The following STIM1 variants were observed in gnomAD, a reference collection of about 807,000 sequenced individuals.
STIM1 encodes the protein stromal interaction molecule 1.
A neutral mutation model predicts 74.7 loss-of-function variants in STIM1; 25 were observed. The observed-to-expected ratio is 0.33, with a 90% confidence interval of 0.24 to 0.47. The LOEUF is 0.47. Among genes scored for constraint, STIM1 ranks in the 20% least tolerant of loss-of-function variants. The pLI, the probability that STIM1 is intolerant of heterozygous loss-of-function variation, is 1.00. For missense variants in STIM1, 728 were observed against 920.8 expected (o/e 0.79, Z 2.71); for synonymous variants, 328 against 348.8 (o/e 0.94, Z 0.66).
At chr11:4,041,017 A>C (rs985538001) in intron 3 of STIM1, among the ~76,000 whole-genome samples, 25 of 152,356 alleles carry the variant, frequency 1.6e-4, no homozygotes, top group African/African-American at 5.5e-4. Context: ...TGGGAACCAG[A>C]AGGAAGCTAC....
At chr11:4,035,586 CACAAGTTATTTAGAA>C (rs1458798644) in intron 3 of STIM1, among the ~76,000 whole-genome samples, 3 of 151,252 alleles carry the variant, frequency 2.0e-5, no homozygotes, top group Admixed American at 2.0e-4. Flanking sequence ...ATCTTTAGTT[CACAAGTTATTTAGAA>C]GCAAGTTATT....
intron 1 of STIM1, among the ~76,000 whole-genome samples, chr11:3,951,977 A>T (rs560958444): frequency 4.6e-5 from 7 of 151,790 alleles, no homozygotes; most frequent in African/African-American, 1.7e-4. Flanking sequence ...GGTATGTGGG[A>T]CTCCAAACCT....
chr11:3,996,139 T>A (rs1224818503), intron 2 of STIM1, among the ~76,000 whole-genome samples: 2 of 152,198 alleles, frequency 1.3e-5, no homozygotes, highest in Non-Finnish European at 2.9e-5. Context: ...GGGAAGAGAT[T>A]CAGATCTCTT....
chr11:4,059,171 G>T, intron 4 of STIM1, 110 bp from the exon 5 acceptor site: 1 of 958,514 alleles, frequency 1.0e-6, no homozygotes. Context: ...AGTGCAGAGG[G>T]GAGCAATCAC....
chr11:4,051,627 A>G (rs1277548048), intron 3 of STIM1, among the ~76,000 whole-genome samples: 1 of 151,916 alleles, frequency 6.6e-6, no homozygotes, highest in Admixed American at 6.6e-5. Flanking sequence ...ACAGTCATGA[A>G]CCACTGCCTG....
chr11:3,888,704 C>A (rs1215768234), intron 1 of STIM1, among the ~76,000 whole-genome samples: 1 of 152,052 alleles, frequency 6.6e-6, no homozygotes, highest in African/African-American at 2.4e-5. Context: ...GTGTGCACCA[C>A]CATACCCAGC....
At chr11:4,072,420 ATAATTAT>A (rs2094409723) in intron 6 of STIM1, among the ~76,000 whole-genome samples, 1 of 152,216 alleles carries the variant, frequency 6.6e-6, no homozygotes, top group Non-Finnish European at 1.5e-5. Flanking sequence ...GAGTTTCAAG[ATAATTAT>A]TTGAGGCAGG....
chr11:3,944,496 TA>T (rs1418445204), intron 1 of STIM1, among the ~76,000 whole-genome samples: 1 of 152,162 alleles, frequency 6.6e-6, no homozygotes, highest in East Asian at 1.9e-4. Flanking sequence ...GGAGTGATGG[TA>T]AGTTGAAAAG....
chr11:3,946,582 A>G (rs2093076804), intron 1 of STIM1, among the ~76,000 whole-genome samples: 1 of 152,164 alleles, frequency 6.6e-6, no homozygotes, highest in Non-Finnish European at 1.5e-5. Context: ...AATAACCAGA[A>G]TATTTTTCTG....
At chr11:3,953,356 A>G (rs2093171464) in intron 1 of STIM1, among the ~76,000 whole-genome samples, 1 of 152,212 alleles carries the variant, frequency 6.6e-6, no homozygotes, top group African/African-American at 2.4e-5. Flanking sequence ...TCAAGCCCAG[A>G]TGGAGTTTCT....
chr11:4,022,335 C>CA (rs60560723), intron 2 of STIM1, among the ~76,000 whole-genome samples: 9,243 of 104,912 alleles, frequency 0.088, 1,285 homozygotes, highest in African/African-American at 0.31. Context: ...GAACCTGTCT[C>CA]AAAAAAAAAA....
At chr11:3,881,791 C>G (rs1277025969) in intron 1 of STIM1, among the ~76,000 whole-genome samples, 1 of 152,104 alleles carries the variant, frequency 6.6e-6, no homozygotes, top group Non-Finnish European at 1.5e-5. Context: ...TGAAGTGATT[C>G]TCCTGCCTGT....
intron 2 of STIM1, among the ~76,000 whole-genome samples, chr11:4,007,017 A>G (rs2093788891): frequency 6.6e-6 from 1 of 152,186 alleles, no homozygotes; most frequent in Non-Finnish European, 1.5e-5. Flanking sequence ...CCTATTTTGT[A>G]GAAATTATAG....
intron 1 of STIM1, among the ~76,000 whole-genome samples, chr11:3,876,357 G>C (rs980686512): frequency 6.6e-6 from 1 of 152,198 alleles, no homozygotes; most frequent in African/African-American, 2.4e-5. Context: ...AATGCTGTTT[G>C]GGTAGCAGCT....
chr11:3,888,443 G>T (rs889554509), intron 1 of STIM1, among the ~76,000 whole-genome samples: 1 of 152,156 alleles, frequency 6.6e-6, no homozygotes, highest in South Asian at 2.1e-4. Context: ...CTTTCAGGGG[G>T]CAGTATAGGA....
chr11:3,875,520 G>A (rs1237790006), intron 1 of STIM1, among the ~76,000 whole-genome samples: 1 of 152,116 alleles, frequency 6.6e-6, no homozygotes, highest in Non-Finnish European at 1.5e-5. Context: ...GAGCTCAGGA[G>A]CTTGAGACCA....
At chr11:4,004,392 A>G (rs1207905208) in intron 2 of STIM1, among the ~76,000 whole-genome samples, 4 of 151,878 alleles carry the variant, frequency 2.6e-5, no homozygotes, top group African/African-American at 2.4e-5. Flanking sequence ...ACAGAGATGT[A>G]GATCAATGGA....
chr11:3,862,581 A>G (rs1418069168), intron 1 of STIM1, among the ~76,000 whole-genome samples: 1 of 152,092 alleles, frequency 6.6e-6, no homozygotes, highest in Admixed American at 6.6e-5. Context: ...AGGTTCCTTT[A>G]AGTACTGCAT....
chr11:3,940,588 A>C (rs765135574), intron 1 of STIM1, among the ~76,000 whole-genome samples: 1 of 152,184 alleles, frequency 6.6e-6, no homozygotes, highest in Non-Finnish European at 1.5e-5. Context: ...CTGATGCATC[A>C]TGGTAGGCAT....
Sources: allele counts gnomAD v4.1 joint callset (sites outside exome capture counted in the v4.1 genomes callset), GRCh38; gene constraint gnomAD v4.1.1; transcripts MANE v1.5; gene names NCBI Gene and HGNC (gene_info 2026-07-23, HGNC 2026-07-21).